TMC1: variants seen among roughly 807,000 people sequenced by gnomAD.
The protein encoded by TMC1 is transmembrane channel-like protein 1.
Under a neutral mutation model 105.8 loss-of-function variants are expected in TMC1, and 84 were observed. The ratio of observed to expected loss-of-function variants is 0.79; its 90% CI spans 0.67 to 0.95. TMC1 has a LOEUF of 0.95. TMC1 is among the 40% of genes least tolerant of loss of function. TMC1 has a pLI of 0.00. For missense variants in TMC1, 817 were observed against 914.1 expected (o/e 0.89, Z 1.37); for synonymous variants, 315 against 311.5 (o/e 1.01, Z -0.12).
In TMC1 at chr9:72,719,646, C is replaced by T. The variant is rs140140862; in HGVS notation, c.362+19003C>T. 1.2e-3 allele frequency among the ~76,000 whole-genome samples: 188 copies of T among 152,326 alleles called. 1 individual carries two copies. The highest frequency in any genetic ancestry group is 4.3e-3 in the African/African-American group (180 of 41,568). On this transcript the variant is annotated intron_variant, in intron 8 of 23. Transcript: ENST00000297784. ...TGCAGCAGTTCTTGGAACAAAAGTT[C>T]ACAATGCAAGTCTCCACATTCTATT...
intron 2 of TMC1, among the ~76,000 whole-genome samples, chr9:72,579,407 C>T (rs1382931030): frequency 6.6e-6 from 1 of 152,142 alleles, no homozygotes; most frequent in Non-Finnish European, 1.5e-5. Flanking sequence ...GCGCCAGAAT[C>T]ACCCAGGCTC....
intron 1 of TMC1, among the ~76,000 whole-genome samples, chr9:72,532,318 A>G (rs999656704): frequency 6.6e-6 from 1 of 151,978 alleles, no homozygotes; most frequent in African/African-American, 2.4e-5. Context: ...AGGCGGGCAG[A>G]TCACTTGAGG....
intron 12 of TMC1, among the ~76,000 whole-genome samples, chr9:72,756,561 A>G (rs1194455778): frequency 1.3e-5 from 2 of 152,116 alleles, no homozygotes; most frequent in Non-Finnish European, 2.9e-5. Context: ...ATGCATTACT[A>G]TGTCCCTTTA....
chr9:72,695,892 T>C (rs973386090), intron 7 of TMC1, among the ~76,000 whole-genome samples: 2 of 152,200 alleles, frequency 1.3e-5, no homozygotes, highest in African/African-American at 4.8e-5. Flanking sequence ...TATTTATATC[T>C]GCTTTTAAAG....
intron 13 of TMC1, 68 bp downstream of exon 13, chr9:72,772,623 G>T: frequency 6.3e-7 from 1 of 1,596,498 alleles, no homozygotes; most frequent in South Asian, 1.1e-5. Flanking sequence ...ATTAATTTGG[G>T]GATTGGATAT....
intron 4 of TMC1, among the ~76,000 whole-genome samples, chr9:72,639,016 G>T (rs768570495): frequency 6.6e-6 from 1 of 152,026 alleles, no homozygotes; most frequent in Non-Finnish European, 1.5e-5. Context: ...CCTACCATAG[G>T]TGGAATTTTT....
At chr9:72,809,505 C>G (rs777588743) in intron 18 of TMC1, among the ~76,000 whole-genome samples, 1 of 152,074 alleles carries the variant, frequency 6.6e-6, no homozygotes, top group East Asian at 1.9e-4. Context: ...ATAGCTTACA[C>G]GGGTGAGGGC....
chr9:72,761,639 C>T (rs1005833441), intron 12 of TMC1, among the ~76,000 whole-genome samples: 1 of 152,136 alleles, frequency 6.6e-6, no homozygotes, highest in Non-Finnish European at 1.5e-5. Context: ...CAGATTATTC[C>T]TTCTGCCCTG....
At chr9:72,740,009 C>G (rs973467264) in intron 8 of TMC1, 110 bp from the exon 9 acceptor site, 3 of 814,834 alleles carry the variant, frequency 3.7e-6, no homozygotes, top group Admixed American at 4.3e-5. Flanking sequence ...TGTGAAGGAT[C>G]TAGAAGAAAT....
chr9:72,806,404 G>C (rs540860025), intron 18 of TMC1, among the ~76,000 whole-genome samples: 8,197 of 120,976 alleles, frequency 0.068, 887 homozygotes, highest in African/African-American at 0.12. Flanking sequence ...GGGGGCTGAC[G>C]CCCCCACCTC....
chr9:72,608,769 T>C (rs1327740825), intron 2 of TMC1, among the ~76,000 whole-genome samples: 1 of 152,000 alleles, frequency 6.6e-6, no homozygotes, highest in Non-Finnish European at 1.5e-5. Flanking sequence ...TTAGTGGTGA[T>C]ACGTATGGTT....
At chr9:72,732,355 G>C (rs1340965167) in intron 8 of TMC1, among the ~76,000 whole-genome samples, 1 of 152,160 alleles carries the variant, frequency 6.6e-6, no homozygotes, top group Non-Finnish European at 1.5e-5. Flanking sequence ...TTGAGGTCAG[G>C]AGTTCGAAAA....
At chr9:72,721,319 C>G (rs2117947310) in intron 8 of TMC1, among the ~76,000 whole-genome samples, 1 of 152,228 alleles carries the variant, frequency 6.6e-6, no homozygotes, top group African/African-American at 2.4e-5. Flanking sequence ...AATCTGGGAA[C>G]AGACTTGACT....
chr9:72,563,481 G>C (rs1184429937), intron 1 of TMC1, among the ~76,000 whole-genome samples: 1 of 152,150 alleles, frequency 6.6e-6, no homozygotes, highest in African/African-American at 2.4e-5. Context: ...GGCATTTCTA[G>C]GATTTTTGTA....
intron 5 of TMC1, among the ~76,000 whole-genome samples, chr9:72,661,411 C>T (rs910713292): frequency 1.3e-5 from 2 of 152,218 alleles, no homozygotes; most frequent in Non-Finnish European, 2.9e-5. Context: ...CCTGCATGCC[C>T]AGCACTTTTT....
rs577562990 is a variant in TMC1, at chr9:72,801,163, T to C, written c.1567-4219T>C. Among the ~76,000 whole-genome samples, 262 of 152,314 alleles carry C rather than the reference T, an allele frequency of 1.7e-3. 2 individuals are homozygous for C. The highest frequency in any genetic ancestry group is 6.2e-3 in the African/African-American group (256 of 41,568). ...ATATAGGATAATGTGATTGCTCCTT[T>C]ACTTCTGCAGATTCCCAAGCAATCA... On this transcript the variant is annotated intron_variant, in intron 17 of 23. Coordinates refer to ENST00000297784, the MANE Select transcript of TMC1 (RefSeq NM_138691.3).
chr9:72,743,120 C>A (rs7035597), intron 10 of TMC1, among the ~76,000 whole-genome samples: 149,900 of 150,830 alleles, frequency 0.99, 74,488 homozygotes, highest in Middle Eastern at 1. Flanking sequence ...GTAATCCCAG[C>A]ACTTTGGGAG....
chr9:72,606,947 A>G (rs201055328), intron 2 of TMC1, among the ~76,000 whole-genome samples: 7 of 148,162 alleles, frequency 4.7e-5, no homozygotes, highest in Non-Finnish European at 8.9e-5. Context: ...AGGTTTATAT[A>G]TATGTATGTA....
intron 5 of TMC1, among the ~76,000 whole-genome samples, chr9:72,662,034 GA>G (rs1825975942): frequency 6.6e-6 from 1 of 152,254 alleles, no homozygotes; most frequent in African/African-American, 2.4e-5. Context: ...CCAACAGAAG[GA>G]AAAACATTGG....
Sources: gnomAD v4.1 joint callset for allele counts (sites outside exome capture counted in the v4.1 genomes callset) on GRCh38, gnomAD v4.1.1 for gene constraint, MANE v1.5 for transcripts, NCBI Gene and HGNC (gene_info 2026-07-23, HGNC 2026-07-21) for gene names.